Variants in ZNF578 observed in about 807,000 individuals in gnomAD.
The protein encoded by ZNF578 is zinc finger protein 578, also known as Putative chemokine-related protein B42.
In ZNF578, 8 loss-of-function variants were observed where a neutral mutation model predicts 8.3. The observed-to-expected ratio is 0.96, with a 90% CI of 0.56 to 1.74. The LOEUF (loss-of-function observed/expected upper bound fraction) is 1.74. Among genes scored for constraint, ZNF578 ranks in the 40% most tolerant of loss-of-function variants. The pLI, the probability that ZNF578 is intolerant of heterozygous loss-of-function variation, is 0.00. For synonymous variants in ZNF578, 206 were observed against 232.2 expected (o/e 0.89, Z 1.03); for missense variants, 726 against 707.5 (o/e 1.03, Z -0.30).
chr19:52,479,562 A>AAAAAAAAT (rs1568459029), intron 2 of ZNF578, among the ~76,000 whole-genome samples: 1 of 149,654 alleles, frequency 6.7e-6, no homozygotes, highest in East Asian at 2.0e-4. Context: ...AAAAAAAAAA[A>AAAAAAAAT]GGAAAAAAGA....
chr19:52,472,625 C>T (rs979388134), intron 2 of ZNF578, among the ~76,000 whole-genome samples: 3 of 152,142 alleles, frequency 2.0e-5, no homozygotes, highest in Non-Finnish European at 2.9e-5. Flanking sequence ...ATCCTATTTT[C>T]CTAAGGCCAT....
At chr19:52,489,931 C>T (rs1264191122) in intron 2 of ZNF578, among the ~76,000 whole-genome samples, 1 of 152,208 alleles carries the variant, frequency 6.6e-6, no homozygotes, top group Admixed American at 6.5e-5. Context: ...GCTGGGATTA[C>T]AGGCGTGAGC....
chr19:52,484,880 C>G (rs1028456960), intron 2 of ZNF578, among the ~76,000 whole-genome samples: 2 of 150,660 alleles, frequency 1.3e-5, no homozygotes, highest in Admixed American at 6.6e-5. Flanking sequence ...CTCAGCCCGC[C>G]TGCACCCAGG....
rs199685640 is a variant in ZNF578, at chr19:52,489,257, A to AC, written c.-121-2067_-121-2066insC. Among the ~76,000 whole-genome samples, 489 of 152,198 alleles carry AC rather than the reference A, an allele frequency of 3.2e-3. 2 individuals are homozygous for AC. The highest frequency in any genetic ancestry group is 0.011 in the African/African-American group (467 of 41,550). On this transcript the variant is annotated intron_variant, in intron 2 of 5. Coordinates refer to ENST00000421239, the MANE Select transcript of ZNF578 (RefSeq NM_001099694.2). ...GCATGACTTGGTCTCAAAAAACAAA[A>AC]AAAGAAATAGCAATCAACTCTTTGT...
chr19:52,504,939 G>A (rs1453842333), intron 5 of ZNF578, among the ~76,000 whole-genome samples, 158 bp downstream of exon 5: 1 of 152,194 alleles, frequency 6.6e-6, no homozygotes, highest in African/African-American at 2.4e-5. Context: ...TTCCCAGGCT[G>A]GAGAGCAATG....
chr19:52,504,605 G>GAT (rs748486812), intron 4 of ZNF578, 50 bp from the exon 5 acceptor site: 2 of 1,612,218 alleles, frequency 1.2e-6, no homozygotes, highest in East Asian at 2.2e-5. Context: ...CTGTGAAGGT[G>GAT]ATAACTCAAT....
At chr19:52,481,093 G>A (rs2059324972) in intron 2 of ZNF578, among the ~76,000 whole-genome samples, 1 of 152,026 alleles carries the variant, frequency 6.6e-6, no homozygotes, top group Admixed American at 6.6e-5. Context: ...GCACTCACAG[G>A]CATGTCCAGC....
rs10426876 is a variant in ZNF578 at position 52,513,080 on chromosome 19, G to C, written c.*926G>C. Among the ~76,000 whole-genome samples, 1 of 152,124 alleles carries C rather than the reference G, an allele frequency of 6.6e-6. No homozygotes were observed. Among genetic ancestry groups the C allele is most frequent in the Non-Finnish European group, 1.5e-5 (1 of 68,030 alleles). ...TTGCTGCCCAGGCTAGAGTGCAATG[G>C]TGCGATCTTGACTCACAGCAACCTC... On this transcript the variant is annotated 3_prime_UTR_variant, in exon 6 of 6. Transcript: ENST00000421239.
chr19:52,460,700 A>G (rs915290652), intron 2 of ZNF578, among the ~76,000 whole-genome samples: 3 of 152,186 alleles, frequency 2.0e-5, no homozygotes, highest in Non-Finnish European at 4.4e-5. Context: ...TATTATATCC[A>G]GTAAATCCTT....
At chr19:52,456,680 TTTC>T (rs2059240728) in intron 1 of ZNF578, 185 bp from the exon 2 acceptor site, 1 of 153,470 alleles carries the variant, frequency 6.5e-6, no homozygotes, top group South Asian at 2.1e-4. Context: ...CCTGTAGGAC[TTTC>T]TTGTCTGCAT....
intron 2 of ZNF578, among the ~76,000 whole-genome samples, chr19:52,462,882 CT>C (rs1255939273): frequency 6.6e-6 from 1 of 152,186 alleles, no homozygotes; most frequent in African/African-American, 2.4e-5. Context: ...CATGTTATAA[CT>C]CTCCCTCTTT....
intron 2 of ZNF578, among the ~76,000 whole-genome samples, chr19:52,472,819 C>G (rs993657528): frequency 6.6e-6 from 1 of 152,016 alleles, no homozygotes; most frequent in Non-Finnish European, 1.5e-5. Flanking sequence ...AGTAAAGAAG[C>G]CTTTTCAAAA....
chr19:52,514,962 C>CTTTTTTTT lies in ZNF578; in HGVS notation c.*2819_*2826dup, dbSNP rs35788845. The stretch of plus-strand genomic sequence containing the variant: ...AGGCATGAGCTACCACGTCGAGACT[C>CTTTTTTTT]TTTTTTTTTTTTTTTTTTAGATGGA... On this transcript the variant is annotated 3_prime_UTR_variant, in exon 6 of 6. Transcript: ENST00000421239. Among the ~76,000 whole-genome samples, 1 of 122,926 alleles carries CTTTTTTTT rather than the reference C, an allele frequency of 8.1e-6. No individual in the cohort carries two copies. The highest frequency in any genetic ancestry group is 3.1e-5 in the African/African-American group (1 of 32,202). 80.6% of individuals were successfully genotyped at this position (122,926 alleles called of 152,430 possible). A position where few individuals can be genotyped will look rare whatever the true frequency, so the allele number is the denominator to read the frequency against.
rs774687330 is a variant in ZNF578, at chr19:52,511,655, A to G, written c.1274A>G (p.Lys425Arg). 6.8e-6 allele frequency: 11 copies of G among 1,614,130 alleles called. No individual in the cohort carries two copies. The East Asian group carries it at 2.5e-4, about 36-fold the overall frequency. The change falls in exon 6 of 6, where the codon AAA (lysine) becomes AGA (arginine). Residue 425 changes from lysine (K) to arginine (R), a missense_variant. Transcript: ENST00000421239. ...CATCATAGACTTCATACTGGAGAGA[A>G]ACCTTACAAGTGTAATGACTGTGGT... ...SRHHRLHTGE[K>R]PYKCNDCGKA... is the part of the protein sequence containing the mutation.
At chr19:52,503,932 G>A (rs1326420834) in intron 4 of ZNF578, among the ~76,000 whole-genome samples, 2 of 151,478 alleles carry the variant, frequency 1.3e-5, no homozygotes, top group South Asian at 2.1e-4. Context: ...TGAGTAGCTG[G>A]GAGTACAGGT....
At chr19:52,501,557 C>T (rs1487659656) in intron 3 of ZNF578, among the ~76,000 whole-genome samples, 1 of 152,086 alleles carries the variant, frequency 6.6e-6, no homozygotes, top group East Asian at 1.9e-4. Context: ...GGGTCTGTGC[C>T]CTGAAGGAGA....
rs181252146 is a variant in ZNF578, at chr19:52,477,947, C to A, written c.-121-13377C>A. On this transcript the variant is annotated intron_variant, in intron 2 of 5. Transcript: ENST00000421239. ...AAGGATTGTACTGGGACTCCCTCTT[C>A]TGTAATTGTGGCCCAGGCATGTTTA... Among the ~76,000 whole-genome samples the A allele has an allele frequency of 1.5e-3, 222 of 152,332 alleles. 1 individual carries two copies. Among genetic ancestry groups the A allele is most frequent in the African/African-American group, 4.3e-3 (177 of 41,582 alleles).
rs1408037839 is a variant in ZNF578, at chr19:52,515,552, T to C, written c.*3398T>C. On this transcript the variant is annotated 3_prime_UTR_variant, in exon 6 of 6. Coordinates refer to ENST00000421239, the MANE Select transcript of ZNF578 (RefSeq NM_001099694.2). Reference sequence around the variant, plus strand: ...CCTTCCAGGACCCCATGTAAGACTTTAGACACCTTCTCACTCATCTCAGAC... The same window carrying C: ...CCTTCCAGGACCCCATGTAAGACTTCAGACACCTTCTCACTCATCTCAGAC... Among the ~76,000 whole-genome samples the C allele has an allele frequency of 1.3e-5, 2 of 152,112 alleles. No individual in the cohort carries two copies. The highest frequency in any genetic ancestry group is 3.9e-4 in the East Asian group (2 of 5,170).
chr19:52,488,557 C>T (rs367799899), intron 2 of ZNF578, among the ~76,000 whole-genome samples: 11 of 151,374 alleles, frequency 7.3e-5, no homozygotes, highest in African/African-American at 2.4e-4. Flanking sequence ...TGCAGTGAGC[C>T]GAGATTGCGC....
Sources: allele counts gnomAD v4.1 joint callset (sites outside exome capture counted in the v4.1 genomes callset), GRCh38; gene constraint gnomAD v4.1.1; transcripts MANE v1.5; gene names NCBI Gene and HGNC (gene_info 2026-07-23, HGNC 2026-07-21).